Variants in SUCLG2 observed in about 807,000 individuals in gnomAD.
The protein encoded by SUCLG2 is succinate-CoA ligase GDP-forming subunit beta, also known as succinate--CoA ligase [GDP-forming] subunit beta, mitochondrial.
SUCLG2 carries 42 observed loss-of-function variants against 47.9 expected under a neutral mutation model. The ratio of observed to expected loss-of-function variants is 0.88; its 90% CI spans 0.69 to 1.14. The LOEUF is 1.14. Ranked by LOEUF, SUCLG2 falls within the 50% of genes most tolerant of loss-of-function variation. The pLI is 0.00. For synonymous variants in SUCLG2, 195 were observed against 197.3 expected, an observed-to-expected ratio of 0.99 and a Z score of 0.10; for missense variants, 571 against 525.9, an observed-to-expected ratio of 1.09 and a Z score of -0.84.
rs535574864 is a variant in SUCLG2 at position 67,449,436 on chromosome 3, AAGAGC to A, written c.1062+46357_1062+46361del. 2.0e-5 allele frequency among the ~76,000 whole-genome samples: 3 copies of A among 152,176 alleles called. No individual in the cohort carries two copies. The South Asian group carries it at 6.2e-4, about 32-fold the overall frequency. On this transcript the variant is annotated intron_variant, in intron 9 of 10. Transcript: ENST00000307227. ...TCTATATTCATTCTGCAGTCATACA[AAGAGC>A]AGAGGGTGAATAATTTAACTTCCAA...
intron 1 of SUCLG2, 82 bp downstream of exon 1, chr3:67,654,421 G>T: frequency 2.7e-6 from 3 of 1,123,236 alleles, no homozygotes; most frequent in South Asian, 9.0e-5. Flanking sequence ...GTCAGGCGGA[G>T]ACCAAGAGTA....
intron 2 of SUCLG2, among the ~76,000 whole-genome samples, chr3:67,565,638 C>T (rs184308765): frequency 1.3e-5 from 2 of 152,276 alleles, no homozygotes; most frequent in Non-Finnish European, 2.9e-5. Flanking sequence ...CTGGTTGCCA[C>T]AATAATTTAT....
exon 11 of SUCLG2, chr3:67,360,571 G>T: frequency 2.1e-6 from 3 of 1,427,294 alleles, no homozygotes; most frequent in Non-Finnish European, 2.8e-6. Context: ...ATAATTTTGT[G>T]ATGATATTCA....
intron 7 of SUCLG2, among the ~76,000 whole-genome samples, chr3:67,508,415 T>C (rs1705696295): frequency 6.6e-6 from 1 of 152,086 alleles, no homozygotes; most frequent in South Asian, 2.1e-4. Flanking sequence ...GAATGTTTCT[T>C]TCCTTTTATT....
At chr3:67,455,635 C>G (rs1422089022) in intron 9 of SUCLG2, among the ~76,000 whole-genome samples, 1 of 151,780 alleles carries the variant, frequency 6.6e-6, no homozygotes. Context: ...AATGTTAGCA[C>G]AAACACTATA....
chr3:67,362,087 A>G (rs1156529115), intron 10 of SUCLG2, among the ~76,000 whole-genome samples: 2 of 152,236 alleles, frequency 1.3e-5, no homozygotes, highest in African/African-American at 4.8e-5. Flanking sequence ...TAAGCAAAAT[A>G]AATGCTTATT....
chr3:67,533,677 G>A (rs1388309862), intron 2 of SUCLG2, among the ~76,000 whole-genome samples: 1 of 152,048 alleles, frequency 6.6e-6, no homozygotes, highest in Non-Finnish European at 1.5e-5. Context: ...TTTCTCAAAG[G>A]AAATGAGCTC....
chr3:67,459,318 G>A (rs1704268653), intron 9 of SUCLG2, among the ~76,000 whole-genome samples: 1 of 152,098 alleles, frequency 6.6e-6, no homozygotes, highest in Non-Finnish European at 1.5e-5. Context: ...AATGTACACA[G>A]AAAACCCACA....
intron 2 of SUCLG2, among the ~76,000 whole-genome samples, chr3:67,557,880 AC>A (rs1382786915): frequency 6.6e-5 from 10 of 152,176 alleles, no homozygotes; most frequent in African/African-American, 2.4e-4. Flanking sequence ...ACCAAGAGTG[AC>A]CTTAGGCTTG....
At chr3:67,652,366 T>C (rs1273268008) in intron 1 of SUCLG2, among the ~76,000 whole-genome samples, 1 of 152,198 alleles carries the variant, frequency 6.6e-6, no homozygotes, top group African/African-American at 2.4e-5. Flanking sequence ...AAAATAGGTC[T>C]GGGCCAAGAG....
chr3:67,587,382 G>A (rs545377036), intron 2 of SUCLG2, among the ~76,000 whole-genome samples: 305 of 152,384 alleles, frequency 2.0e-3, no homozygotes, highest in African/African-American at 7.0e-3. Context: ...AGACATGAGT[G>A]AGGGCCTATC....
intron 1 of SUCLG2, among the ~76,000 whole-genome samples, chr3:67,627,151 G>A (rs997785853): frequency 6.6e-6 from 1 of 151,834 alleles, no homozygotes; most frequent in Admixed American, 6.6e-5. Context: ...TTCACTTAGA[G>A]GTTCTCGATA....
chr3:67,400,619 C>T (rs1575671437), intron 10 of SUCLG2, 112 bp downstream of exon 10: 3 of 1,456,542 alleles, frequency 2.1e-6, no homozygotes, highest in East Asian at 2.3e-5. Flanking sequence ...TTTCATCTTA[C>T]ACAATCTAGT....
At chr3:67,641,336 T>C (rs776970901) in intron 1 of SUCLG2, among the ~76,000 whole-genome samples, 2 of 152,164 alleles carry the variant, frequency 1.3e-5, no homozygotes, top group Non-Finnish European at 2.9e-5. Flanking sequence ...ATGGCAGTGG[T>C]CCATGGGCTA....
At chr3:67,403,960 A>C (rs1702746603) in intron 9 of SUCLG2, among the ~76,000 whole-genome samples, 1 of 152,162 alleles carries the variant, frequency 6.6e-6, no homozygotes, top group Admixed American at 6.5e-5. Flanking sequence ...ATCTTGACTC[A>C]CTGCAACCTC....
chr3:67,503,513 G>T (rs1011871649), intron 7 of SUCLG2, among the ~76,000 whole-genome samples: 2 of 152,122 alleles, frequency 1.3e-5, no homozygotes, highest in East Asian at 3.9e-4. Flanking sequence ...AAATAAACTT[G>T]CCTGCTTAAA....
At chr3:67,428,253 G>A (rs1179825812) in intron 9 of SUCLG2, among the ~76,000 whole-genome samples, 1 of 152,204 alleles carries the variant, frequency 6.6e-6, no homozygotes, top group Non-Finnish European at 1.5e-5. Context: ...ACTTCCAGAG[G>A]AAGAATCAGG....
intron 2 of SUCLG2, among the ~76,000 whole-genome samples, chr3:67,531,265 C>T (rs576486918): frequency 2.6e-5 from 4 of 152,288 alleles, no homozygotes; most frequent in South Asian, 2.1e-4. Context: ...TTGCTGTCTA[C>T]TCAAATTTTT....
At chr3:67,468,169 T>C (rs745610769) in intron 9 of SUCLG2, among the ~76,000 whole-genome samples, 3 of 152,166 alleles carry the variant, frequency 2.0e-5, no homozygotes, top group Non-Finnish European at 4.4e-5. Flanking sequence ...GAGCGAATCT[T>C]CAATTTGTCT....
Sources: gnomAD v4.1 joint callset for allele counts (sites outside exome capture counted in the v4.1 genomes callset) on GRCh38, gnomAD v4.1.1 for gene constraint, MANE v1.5 for transcripts, NCBI Gene and HGNC (gene_info 2026-07-23, HGNC 2026-07-21) for gene names.